Variants in INSL6 observed in about 807,000 individuals in gnomAD.
INSL6 encodes insulin-like peptide INSL6.
Under a neutral mutation model 9.4 loss-of-function variants are expected in INSL6, and 16 were observed. The observed-to-expected ratio is 1.70, with a 90% CI of 1.15 to 2.59. The LOEUF is 2.59. Among genes scored for constraint, INSL6 ranks in the 30% most tolerant of loss-of-function variants. The probability of loss-of-function intolerance (pLI) is 0.00; values close to 1 mark genes in which losing one functional copy is unlikely to be tolerated. For synonymous variants in INSL6, 154 were observed against 96.9 expected (o/e 1.59, Z -3.46); for missense variants, 391 against 257.3 (o/e 1.52, Z -3.56).
intron 3 of INSL6, among the ~76,000 whole-genome samples, chr9:5,130,737 T>A (rs980167824): frequency 1.4e-4 from 21 of 150,940 alleles, no homozygotes; most frequent in African/African-American, 3.9e-4. Flanking sequence ...TTTTTTTTTT[T>A]ATTTTTTTTG....
chr9:5,055,830 T>C, the INSL6 span: 1 of 1,540,768 alleles, frequency 6.5e-7, no homozygotes, highest in African/African-American at 1.4e-5. Flanking sequence ...CATTTTATAG[T>C]TCTCAGAAAT....
intron 3 of INSL6, among the ~76,000 whole-genome samples, chr9:5,130,267 G>A (rs976639025): frequency 2.0e-5 from 3 of 152,188 alleles, no homozygotes; most frequent in African/African-American, 4.8e-5. Flanking sequence ...TTTAATAGCA[G>A]TAGTAGGAAG....
intron 1 of INSL6, among the ~76,000 whole-genome samples, chr9:5,180,789 T>G (rs957044680): frequency 1.3e-5 from 2 of 152,220 alleles, no homozygotes; most frequent in Non-Finnish European, 2.9e-5. Flanking sequence ...CCTTGTGATC[T>G]TTATTGGACC....
chr9:5,085,209 T>C, the INSL6 span: 1 of 664,380 alleles, frequency 1.5e-6, no homozygotes, highest in Non-Finnish European at 2.9e-6. Flanking sequence ...CATTCATTTC[T>C]GGGAACTGCT....
At chr9:5,001,079 T>C in the INSL6 span, among the ~76,000 whole-genome samples, 46 of 152,338 alleles carry the variant, frequency 3.0e-4, no homozygotes, top group African/African-American at 1.1e-3. Flanking sequence ...GTAAATTCAT[T>C]TATAAGTTCT....
At chr9:5,177,887 C>CT (rs1265114782) in intron 1 of INSL6, among the ~76,000 whole-genome samples, 1 of 151,972 alleles carries the variant, frequency 6.6e-6, no homozygotes, top group Non-Finnish European at 1.5e-5. Context: ...TCTTCTTTTT[C>CT]TTTTTTGAGT....
At chr9:5,082,959 T>C in the INSL6 span, among the ~76,000 whole-genome samples, 4 of 152,360 alleles carry the variant, frequency 2.6e-5, no homozygotes, top group South Asian at 2.1e-4. Context: ...CTTTTCTACA[T>C]AGACACAGTA....
intron 2 of INSL6, among the ~76,000 whole-genome samples, chr9:5,154,210 C>G (rs1824771098): frequency 6.6e-6 from 1 of 152,158 alleles, no homozygotes; most frequent in Non-Finnish European, 1.5e-5. Flanking sequence ...CTGACAAAAA[C>G]AAGAAATGGG....
chr9:5,014,164 CTTTTTT>C, the INSL6 span, among the ~76,000 whole-genome samples: 1 of 117,540 alleles, frequency 8.5e-6, no homozygotes. Context: ...TTTACTCTTT[CTTTTTT>C]TTTTTTTTTT....
At chr9:5,118,148 G>A in the INSL6 span, among the ~76,000 whole-genome samples, 5 of 152,262 alleles carry the variant, frequency 3.3e-5, no homozygotes, top group South Asian at 2.1e-4. Context: ...GCGACAGAGC[G>A]AGACTCCATC....
At chr9:5,061,547 T>G in the INSL6 span, among the ~76,000 whole-genome samples, 1 of 152,244 alleles carries the variant, frequency 6.6e-6, no homozygotes, top group Non-Finnish European at 1.5e-5. Context: ...TGCAGCTTCC[T>G]CACCTCTCTC....
the INSL6 span, among the ~76,000 whole-genome samples, chr9:5,093,355 C>A: frequency 1.5e-4 from 23 of 152,142 alleles, no homozygotes; most frequent in African/African-American, 5.3e-4. Flanking sequence ...GTTCAACGAC[C>A]ACCATATCCT....
chr9:5,060,328 C>T, the INSL6 span, among the ~76,000 whole-genome samples: 1 of 152,164 alleles, frequency 6.6e-6, no homozygotes, highest in Admixed American at 6.6e-5. Context: ...GTAGACTCTT[C>T]ATTTCGTTAA....
At chr9:5,080,570 C>T in the INSL6 span, 2 of 1,600,112 alleles carry the variant, frequency 1.2e-6, no homozygotes, top group Admixed American at 3.5e-5. Context: ...CAGCTTCCTG[C>T]ACCAAAGTGG....
the INSL6 span, among the ~76,000 whole-genome samples, chr9:4,999,825 A>T: frequency 1.3e-5 from 2 of 152,088 alleles, no homozygotes. Flanking sequence ...AATGTCATTA[A>T]TTTTTTCCCA....
the INSL6 span, among the ~76,000 whole-genome samples, chr9:5,025,583 G>A: frequency 6.8e-6 from 1 of 147,998 alleles, no homozygotes; most frequent in Admixed American, 6.9e-5. Context: ...GCCCAGGCTG[G>A]AGTGCAGCAG....
At chr9:5,071,538 G>A in the INSL6 span, among the ~76,000 whole-genome samples, 9 of 152,088 alleles carry the variant, frequency 5.9e-5, no homozygotes, top group African/African-American at 2.2e-4. Context: ...AGAATATACA[G>A]GATGAAAAGT....
chr9:5,075,057 C>G, the INSL6 span, among the ~76,000 whole-genome samples: 1 of 151,942 alleles, frequency 6.6e-6, no homozygotes, highest in African/African-American at 2.4e-5. Flanking sequence ...TGAGCCAAAG[C>G]CCAATCTAGA....
chr9:5,076,986 A>AT, the INSL6 span, among the ~76,000 whole-genome samples: 8 of 152,054 alleles, frequency 5.3e-5, no homozygotes, highest in South Asian at 1.0e-3. Flanking sequence ...ACATTTCTGT[A>AT]TTTTTTGCAG....
Sources: allele counts gnomAD v4.1 joint callset (sites outside exome capture counted in the v4.1 genomes callset), GRCh38; gene constraint gnomAD v4.1.1; transcripts MANE v1.5; gene names NCBI Gene and HGNC (gene_info 2026-07-23, HGNC 2026-07-21).